PCNX4: variants seen among roughly 807,000 people sequenced by gnomAD.
PCNX4 encodes pecanex 4.
In PCNX4, 103 loss-of-function variants were observed where a neutral mutation model predicts 107.2. The ratio of observed to expected loss-of-function variants is 0.96; its 90% confidence interval spans 0.82 to 1.13. PCNX4 has a LOEUF of 1.13. PCNX4 is among the 50% of genes most tolerant of loss of function. The pLI is 0.00. For missense variants in PCNX4, 1,528 were observed against 1,379.4 expected, an observed-to-expected ratio of 1.11 and a Z score of -1.71; for synonymous variants, 541 against 481.7, an observed-to-expected ratio of 1.12 and a Z score of -1.61.
chr14:60,118,438 C>T lies in PCNX4; in HGVS notation c.1688C>T (p.Ala563Val), dbSNP rs1895893204. 6.2e-7 allele frequency: 1 copy of T among 1,613,662 alleles called. No homozygotes were observed. The highest frequency in any genetic ancestry group is 1.1e-5 in the South Asian group (1 of 91,066). ...TEKKQRRKTT[A>V]TLCILNIVFS... ...AAAAAACAACGTCGAAAAACAACTG[C>T]CACTTTATGTATACTCAACATTGTC... The change falls in exon 7 of 11, where the codon GCC (alanine) becomes GTC (valine). Residue 563 changes from alanine (A) to valine (V), a missense_variant. Coordinates refer to ENST00000406854, the MANE Select transcript of PCNX4 (RefSeq NM_001330177.2).
rs1231510815 is a variant in PCNX4, at chr14:60,135,166, TCTTA to T, written c.*950_*953del. 2 of 152,230 alleles carry T rather than the reference TCTTA, an allele frequency of 1.3e-5. No individual in the cohort carries two copies. Among genetic ancestry groups the T allele is most frequent in the Admixed American group, 6.5e-5 (1 of 15,286 alleles). 9.4% of individuals were successfully genotyped at this position (152,230 alleles called of 1,614,324 possible). A position where few individuals can be genotyped will look rare whatever the true frequency, so the allele number is the denominator to read the frequency against. ...AGTTGAGAGATCAGTTTCCTCTAAT[TCTTA>T]CTTAATTTCCAATGAAATCAGTAGG... On this transcript the variant is annotated 3_prime_UTR_variant, in exon 11 of 11. Transcript: ENST00000406854.
In PCNX4 at chr14:60,107,974, G is replaced by C; in HGVS notation, c.336G>C (p.Glu112Asp). Reference sequence around the variant, plus strand: ...TACTAACCACGGATATCTTAGCAGAGGAGGATGAGCATGAATTTACCAGTT... The same window carrying C: ...TACTAACCACGGATATCTTAGCAGACGAGGATGAGCATGAATTTACCAGTT... ...ERILTTDILAEEDEHEFTSCT... is the reference protein window; with the variant it reads ...ERILTTDILADEDEHEFTSCT... Residue 112 changes from glutamate to aspartate, a missense_variant, in exon 2 of 11, where the codon GAG becomes GAC. Physicochemically the swap from Glu to Asp is conservative, Grantham distance 45. Coordinates refer to ENST00000406854, the MANE Select transcript of PCNX4 (RefSeq NM_001330177.2). The C allele has an allele frequency of 6.2e-7, 1 of 1,612,832 alleles. No individual in the cohort carries two copies. The highest frequency in any genetic ancestry group is 8.5e-7 in the Non-Finnish European group (1 of 1,179,854).
rs1555392896 is a variant in PCNX4, at chr14:60,108,188, C to G, written c.550C>G (p.Leu184Val). Residue 184 changes from leucine to valine, a missense_variant, in exon 2 of 11, where the codon CTA becomes GTA. Transcript: ENST00000406854. ...ALLFFFGWMTLCIAEYSLIVN... is the reference protein window; with the variant it reads ...ALLFFFGWMTVCIAEYSLIVN... ...ACTATTCTTCTTTGGATGGATGACA[C>G]TATGTATAGCAGAATATTCTTTAAT... is the stretch of plus-strand genomic sequence containing the variant. 1 of 1,612,810 alleles carries G rather than the reference C, an allele frequency of 6.2e-7. No individual in the cohort carries two copies.
At chr14:60,129,016 C>T (rs886278429) in intron 10 of PCNX4, among the ~76,000 whole-genome samples, 1 of 151,656 alleles carries the variant, frequency 6.6e-6, no homozygotes, top group Non-Finnish European at 1.5e-5. Context: ...AGTTTGAGAC[C>T]AGCCTGGCCA....
intron 10 of PCNX4, among the ~76,000 whole-genome samples, chr14:60,132,100 G>C (rs139092060): frequency 1.3e-5 from 2 of 152,312 alleles, no homozygotes; most frequent in Non-Finnish European, 2.9e-5. Context: ...CTGAAGCCAA[G>C]GTGCCAGTAG....
rs1383233298 is a variant in PCNX4, at chr14:60,124,820, C to A, written c.2649C>A (p.Tyr883Ter). The change falls in exon 9 of 11, where the codon TAC becomes TAA. Residue 883 changes from tyrosine to a stop codon, truncating the protein, a stop_gained. Coordinates refer to ENST00000406854, the MANE Select transcript of PCNX4 (RefSeq NM_001330177.2). LOFTEE classifies it high-confidence loss of function. ...NDLYKAVLLG[Y>*]PAVDKGKQED... ...TTTACAAAGCAGTTCTATTAGGATA[C>A]CCTGCTGTTGACAAAGGAAAACAAG... is the stretch of plus-strand genomic sequence containing the variant. 21 of 1,613,708 alleles carry A rather than the reference C, an allele frequency of 1.3e-5. No homozygotes were observed. Among genetic ancestry groups the A allele is most frequent in the Non-Finnish European group, 1.8e-5 (21 of 1,179,754 alleles).
chr14:60,095,328 G>T (rs1449565112), intron 1 of PCNX4, among the ~76,000 whole-genome samples: 2 of 152,162 alleles, frequency 1.3e-5, no homozygotes, highest in African/African-American at 4.8e-5. Context: ...CAGACAAAAT[G>T]GGGTAGGGGA....
At chr14:60,112,237 A>T (rs1198565194) in intron 2 of PCNX4, among the ~76,000 whole-genome samples, 1 of 152,198 alleles carries the variant, frequency 6.6e-6, no homozygotes, top group African/African-American at 2.4e-5. Flanking sequence ...ATACACATTT[A>T]TATCATCTTA....
chr14:60,108,376 A>G (rs1895672582), intron 2 of PCNX4, 49 bp downstream of exon 2: 2 of 1,350,628 alleles, frequency 1.5e-6, no homozygotes, highest in African/African-American at 1.5e-5. Flanking sequence ...TTAAGTATAC[A>G]GAGTAAGAGA....
At chr14:60,110,844 A>G (rs891671816) in intron 2 of PCNX4, 3 of 167,050 alleles carry the variant, frequency 1.8e-5, no homozygotes, top group African/African-American at 7.2e-5. Flanking sequence ...CCAGGGATGG[A>G]ATGTTATAGA....
chr14:60,117,482 T>A (rs1297578429), intron 6 of PCNX4, among the ~76,000 whole-genome samples: 1 of 152,228 alleles, frequency 6.6e-6, no homozygotes, highest in African/African-American at 2.4e-5. Context: ...ATGTACGCTC[T>A]ATAATATTCA....
chr14:60,103,483 G>A (rs768973975), intron 1 of PCNX4, among the ~76,000 whole-genome samples: 21 of 152,114 alleles, frequency 1.4e-4, no homozygotes, highest in Non-Finnish European at 3.1e-4. Context: ...TATATTCTGT[G>A]GGATATATGA....
Position 60,115,144 on chromosome 14 carries a change from C to T in PCNX4, c.1040C>T (p.Pro347Leu), listed in dbSNP as rs774346182. The T allele has an allele frequency of 2.5e-6, 4 of 1,613,434 alleles. No individual in the cohort carries two copies. Among genetic ancestry groups the T allele is most frequent in the Middle Eastern group, 1.6e-4 (1 of 6,082 alleles). The change falls in exon 4 of 11, where the codon CCG becomes CTG. Residue 347 changes from proline (P) to leucine (L), a missense_variant. Pro to Leu is a moderately conservative substitution (Grantham distance 98). Coordinates refer to ENST00000406854, the MANE Select transcript of PCNX4 (RefSeq NM_001330177.2). The part of the protein sequence containing the change: ...GTKSKDLPSG[P>L]EKHFSWKECL... ...AAATCTAAGGATTTACCCAGTGGTC[C>T]GGAAAAACATTTTTCATGGAAGGAA... is the stretch of plus-strand genomic sequence containing the variant.
rs1307585246 is a variant in PCNX4 at position 60,146,338 on chromosome 14, A to G, written c.*12117A>G. 6.6e-6 allele frequency: 1 copy of G among 152,164 alleles called. No individual in the cohort carries two copies. Among genetic ancestry groups the G allele is most frequent in the Non-Finnish European group, 1.5e-5 (1 of 68,012 alleles). The allele number at this position is 152,164 out of a possible 1,614,324, so 9.4% of individuals were successfully genotyped here. A position where few individuals can be genotyped will look rare whatever the true frequency, so the allele number is the denominator to read the frequency against. ...TATGGACATTTCTGGAAGTACTACT[A>G]CAGTGGGACTGAAATTCTCTAGTCC... On this transcript the variant is annotated 3_prime_UTR_variant, in exon 11 of 11. Coordinates refer to ENST00000406854, the MANE Select transcript of PCNX4 (RefSeq NM_001330177.2). This position sits in a 1 kb window ranked among gnomAD's most constrained non-coding sequence, Gnocchi z 4.9.
At chr14:60,133,312 G>A (rs1195174537) in intron 10 of PCNX4, among the ~76,000 whole-genome samples, 1 of 152,128 alleles carries the variant, frequency 6.6e-6, no homozygotes, top group Non-Finnish European at 1.5e-5. Context: ...TTGAAAATAT[G>A]CTAAGTGAAA....
rs75475362 is a variant in PCNX4 at position 60,115,188 on chromosome 14, A to G, written c.1084A>G (p.Ile362Val). Residue 362 changes from isoleucine to valine, a missense_variant, in exon 4 of 11, where the codon ATA becomes GTA. By Grantham distance (29) the Ile-to-Val change is conservative. Coordinates refer to ENST00000406854, the MANE Select transcript of PCNX4 (RefSeq NM_001330177.2). Reference protein sequence around the residue: ...SWKECLFYIIILVLALLETSL... With the variant: ...SWKECLFYIIVLVLALLETSL... ...GAAGGAATGCCTTTTCTACATCATT[A>G]TATTAGTCTTGGCTCTTTTAGAAAC... is the stretch of plus-strand genomic sequence containing the variant. The G allele has an allele frequency of 5.0e-3, 8,134 of 1,613,552 alleles. 258 individuals are homozygous for G. In the East Asian group the frequency reaches 0.086, roughly 17 times the overall value.
chr14:60,132,842 G>A (rs146629221), intron 10 of PCNX4, among the ~76,000 whole-genome samples: 1 of 152,260 alleles, frequency 6.6e-6, no homozygotes, highest in African/African-American at 2.4e-5. Flanking sequence ...ATAAGTACAT[G>A]AGAAGTGCTC....
chr14:60,114,766 A>G lies in PCNX4; in HGVS notation c.756A>G (p.Leu252=), dbSNP rs1290071679. 1 of 1,613,104 alleles carries G rather than the reference A, an allele frequency of 6.2e-7. No individual in the cohort carries two copies. Among genetic ancestry groups the G allele is most frequent in the East Asian group, 2.2e-5 (1 of 44,876 alleles). Residue 252 remains leucine (L), a synonymous_variant, in exon 3 of 11, where the codon TTA becomes TTG. Coordinates refer to ENST00000406854, the MANE Select transcript of PCNX4 (RefSeq NM_001330177.2). ...NQILHILFVF[L]PFLWALGTLP... The stretch of plus-strand genomic sequence containing the variant: ...TTTTACACATCTTGTTTGTATTTTT[A>G]CCCTTTCTGTGGGCACTTGGGACTC...
rs991154684 is a variant in PCNX4 at position 60,115,639 on chromosome 14, ATG to A, written c.1358-76_1358-75del. ...CATCGCTTAAATGTGCTCATAAAAA[ATG>A]TGTATTTGCCAGAATAAAATATGGT... On this transcript the variant is annotated intron_variant, in intron 4 of 10. Transcript: ENST00000406854. The A allele has an allele frequency of 3.6e-6, 5 of 1,391,376 alleles. No individual in the cohort carries two copies. The African/African-American group carries it at 7.2e-5, about 20-fold the overall frequency. 86.2% of individuals were successfully genotyped at this position (1,391,376 alleles called of 1,614,324 possible). A position where few individuals can be genotyped will look rare whatever the true frequency, so the allele number is the denominator to read the frequency against.
Sources: gnomAD v4.1 joint callset for allele counts (sites outside exome capture counted in the v4.1 genomes callset) on GRCh38, gnomAD v4.1.1 for gene constraint, Gnocchi (gnomAD v3.1) non-coding constraint, MANE v1.5 for transcripts, NCBI Gene and HGNC (gene_info 2026-07-23, HGNC 2026-07-21) for gene names.